The following SPIDR variants were observed in gnomAD, a reference collection of about 807,000 sequenced individuals.
SPIDR encodes the protein DNA repair-scaffolding protein.
In SPIDR, 93 loss-of-function variants were observed where a neutral mutation model predicts 104.6. That is an observed-to-expected ratio of 0.89 (90% CI 0.75 to 1.06). The LOEUF is 1.06. Ranked by LOEUF, SPIDR falls within the 50% of genes least tolerant of loss-of-function variation. The probability of loss-of-function intolerance (pLI) is 0.00; values close to 1 mark genes in which losing one functional copy is unlikely to be tolerated. For missense variants in SPIDR, 1,154 were observed against 1,111.2 expected, an observed-to-expected ratio of 1.04 and a Z score of -0.55; for synonymous variants, 431 against 416.9, an observed-to-expected ratio of 1.03 and a Z score of -0.41.
intron 5 of SPIDR, chr8:47,357,810 A>ATCCTCT: frequency 5.1e-6 from 5 of 975,458 alleles, no homozygotes; most frequent in Non-Finnish European, 4.9e-6. Context: ...GAGAGGATAT[A>ATCCTCT]AGGAGAAAGG....
At chr8:47,720,867 C>T (rs143078770) in intron 16 of SPIDR, among the ~76,000 whole-genome samples, 42 of 152,166 alleles carry the variant, frequency 2.8e-4, no homozygotes, top group African/African-American at 9.9e-4. Context: ...AAGCAATTCT[C>T]CTCCCTTATC....
At chr8:47,615,386 T>C (rs1588418107) in intron 10 of SPIDR, among the ~76,000 whole-genome samples, 1 of 152,188 alleles carries the variant, frequency 6.6e-6, no homozygotes, top group South Asian at 2.1e-4. Flanking sequence ...CATTTAGGTA[T>C]TGGGGACATT....
chr8:47,353,167 G>T (rs1554623631), intron 5 of SPIDR, among the ~76,000 whole-genome samples: 1 of 151,876 alleles, frequency 6.6e-6, no homozygotes, highest in African/African-American at 2.4e-5. Context: ...ATCAAACATG[G>T]TGGGAGTCAA....
At chr8:47,299,658 G>C (rs1252334583) in intron 5 of SPIDR, among the ~76,000 whole-genome samples, 2 of 152,164 alleles carry the variant, frequency 1.3e-5, no homozygotes, top group Admixed American at 1.3e-4. Context: ...TTTTTAGCAT[G>C]AAGGGTTGTT....
chr8:47,506,686 A>C (rs567691161), intron 8 of SPIDR, among the ~76,000 whole-genome samples: 3 of 152,116 alleles, frequency 2.0e-5, no homozygotes, highest in African/African-American at 4.8e-5. Flanking sequence ...TACATGCCCT[A>C]AAGTATCCAA....
chr8:47,552,397 T>C (rs2090650446), intron 8 of SPIDR, among the ~76,000 whole-genome samples: 7 of 152,216 alleles, frequency 4.6e-5, no homozygotes, highest in Admixed American at 3.9e-4. Flanking sequence ...TATTATTGTG[T>C]GGGAGTCTAA....
intron 16 of SPIDR, among the ~76,000 whole-genome samples, chr8:47,716,342 C>G (rs754582526): frequency 1.1e-4 from 17 of 152,140 alleles, no homozygotes; most frequent in Non-Finnish European, 2.4e-4. Context: ...ATAACTAGTT[C>G]CTGACTTTTT....
chr8:47,425,912 T>A (rs1305868415), intron 7 of SPIDR, among the ~76,000 whole-genome samples: 1 of 151,808 alleles, frequency 6.6e-6, no homozygotes, highest in Non-Finnish European at 1.5e-5. Flanking sequence ...GCTTAACAAG[T>A]GTTATATAGA....
intron 5 of SPIDR, among the ~76,000 whole-genome samples, chr8:47,309,167 GAT>G (rs1438047170): frequency 6.6e-6 from 1 of 152,116 alleles, no homozygotes; most frequent in Non-Finnish European, 1.5e-5. Flanking sequence ...TATAAAAACT[GAT>G]AAAATTTAGT....
At chr8:47,292,360 G>A (rs1325777814) in intron 4 of SPIDR, among the ~76,000 whole-genome samples, 9 of 152,256 alleles carry the variant, frequency 5.9e-5, no homozygotes, top group African/African-American at 2.2e-4. Context: ...ACCAGGTGAA[G>A]TGGTATTTTA....
intron 7 of SPIDR, among the ~76,000 whole-genome samples, chr8:47,434,067 G>A (rs2154340636): frequency 6.6e-6 from 1 of 152,212 alleles, no homozygotes; most frequent in African/African-American, 2.4e-5. Flanking sequence ...TATTATTTTT[G>A]GGGGAAAGCT....
chr8:47,385,928 T>C (rs1009870982), intron 5 of SPIDR, among the ~76,000 whole-genome samples: 1 of 152,186 alleles, frequency 6.6e-6, no homozygotes, highest in Admixed American at 6.5e-5. Context: ...TGTGTCATAC[T>C]AGAAAAACCT....
intron 5 of SPIDR, among the ~76,000 whole-genome samples, chr8:47,346,796 T>C (rs113446414): frequency 6.6e-6 from 1 of 152,116 alleles, no homozygotes; most frequent in African/African-American, 2.4e-5. Flanking sequence ...TCTGTGGGAT[T>C]GGTGGTGATA....
At chr8:47,711,939 C>A (rs1036650526) in intron 14 of SPIDR, among the ~76,000 whole-genome samples, 3 of 152,156 alleles carry the variant, frequency 2.0e-5, no homozygotes, top group Non-Finnish European at 4.4e-5. Flanking sequence ...TGTTAACTGG[C>A]CATGTGGAAT....
At chr8:47,360,113 G>A (rs1483003122) in intron 5 of SPIDR, among the ~76,000 whole-genome samples, 4 of 151,786 alleles carry the variant, frequency 2.6e-5, no homozygotes, top group African/African-American at 7.3e-5. Flanking sequence ...GTGGTGGCGG[G>A]CGCCTGTAGT....
At chr8:47,724,175 T>G (rs1330635134) in intron 16 of SPIDR, among the ~76,000 whole-genome samples, 1 of 152,256 alleles carries the variant, frequency 6.6e-6, no homozygotes, top group East Asian at 1.9e-4. Flanking sequence ...CTGCAGGCCC[T>G]CATGTAGGGT....
chr8:47,678,581 T>C (rs1266701456), intron 11 of SPIDR, among the ~76,000 whole-genome samples: 1 of 152,054 alleles, frequency 6.6e-6, no homozygotes, highest in Non-Finnish European at 1.5e-5. Flanking sequence ...GAGCGGAGGC[T>C]CAGAGCACCC....
At chr8:47,603,154 C>T (rs1237338148) in intron 10 of SPIDR, among the ~76,000 whole-genome samples, 2 of 147,680 alleles carry the variant, frequency 1.4e-5, no homozygotes, top group African/African-American at 5.0e-5. Flanking sequence ...AAGCCATAGG[C>T]TTTTTTTTTT....
chr8:47,684,665 C>T (rs973892898), intron 11 of SPIDR, among the ~76,000 whole-genome samples: 1 of 152,172 alleles, frequency 6.6e-6, no homozygotes, highest in Non-Finnish European at 1.5e-5. Flanking sequence ...TCTCTTTCTA[C>T]TTAATTGAAA....
Sources: gnomAD v4.1 joint callset for allele counts (sites outside exome capture counted in the v4.1 genomes callset) on GRCh38, gnomAD v4.1.1 for gene constraint, MANE v1.5 for transcripts, NCBI Gene and HGNC (gene_info 2026-07-23, HGNC 2026-07-21) for gene names.